ACVR1: variants seen among roughly 807,000 people sequenced by gnomAD.
The protein encoded by ACVR1 is activin receptor type-1.
A neutral mutation model predicts 57.1 loss-of-function variants in ACVR1; 38 were observed. That is an observed-to-expected ratio of 0.67 (90% CI 0.51 to 0.87). The LOEUF (loss-of-function observed/expected upper bound fraction) is 0.87. ACVR1 is among the 40% of genes least tolerant of loss of function. The probability of loss-of-function intolerance (pLI) is 0.00; values close to 1 mark genes in which losing one functional copy is unlikely to be tolerated. For synonymous variants in ACVR1, 212 were observed against 228.1 expected (o/e 0.93, Z 0.63); for missense variants, 463 against 638.2 (o/e 0.73, Z 2.96).
At chr2:157,791,910 T>C (rs760245405) in intron 3 of ACVR1, among the ~76,000 whole-genome samples, 4 of 152,222 alleles carry the variant, frequency 2.6e-5, no homozygotes, top group Non-Finnish European at 4.4e-5. Flanking sequence ...TACAGTATTA[T>C]ATATATCAGA....
In ACVR1 at chr2:157,761,073, C is replaced by T. The variant is rs748579833; in HGVS notation, c.1071G>A (p.Leu357=). 4 of 1,613,866 alleles carry T rather than the reference C, an allele frequency of 2.5e-6. No individual in the cohort carries two copies. Among genetic ancestry groups the T allele is most frequent in the Non-Finnish European group, 3.4e-6 (4 of 1,179,990 alleles). The change falls in exon 9 of 11, where the codon CTG becomes CTA. Residue 357 remains leucine, a synonymous_variant. Transcript: ENST00000434821. ...NGQCCIADLG[L]AVMHSQSTNQ... is the part of the protein sequence containing the mutation. Reference sequence around the variant, plus strand: ...TGGTGCTCTGGGAATGCATGACTGCCAGGCCTGAAAGGAAGAAGATAACAA... The same window carrying T: ...TGGTGCTCTGGGAATGCATGACTGCTAGGCCTGAAAGGAAGAAGATAACAA...
At chr2:157,872,085 T>G (rs945367060) in intron 1 of ACVR1, among the ~76,000 whole-genome samples, 8 of 152,176 alleles carry the variant, frequency 5.3e-5, no homozygotes, top group African/African-American at 1.9e-4. Flanking sequence ...AGAGCTGGAA[T>G]TGGCCACAGA....
Position 157,863,336 on chromosome 2 carries a change from C to CTTTTTTTTTTTTTTTT in ACVR1, c.-183+12444_-183+12459dup, listed in dbSNP as rs1161335923. On this transcript the variant is annotated intron_variant, in intron 1 of 10. Transcript: ENST00000434821. ...CCTATAGAACAGTTAAATTGTTTCT[C>CTTTTTTTTTTTTTTTT]TTTTTTTTTTTTTTTTTTTTTTTTT... Among the ~76,000 whole-genome samples, 5 of 35,674 alleles carry CTTTTTTTTTTTTTTTT rather than the reference C, an allele frequency of 1.4e-4. 1 individual carries two copies. Among genetic ancestry groups the CTTTTTTTTTTTTTTTT allele is most frequent in the Non-Finnish European group, 2.4e-4 (5 of 20,822 alleles). 23.4% of individuals were successfully genotyped at this position (35,674 alleles called of 152,430 possible). A position where few individuals can be genotyped will look rare whatever the true frequency, so the allele number is the denominator to read the frequency against.
intron 1 of ACVR1, among the ~76,000 whole-genome samples, chr2:157,845,668 C>T (rs192395278): frequency 6.6e-6 from 1 of 151,318 alleles, no homozygotes; most frequent in Non-Finnish European, 1.5e-5. Flanking sequence ...CTGAAAGGGC[C>T]CCACAGGCAG....
intron 9 of ACVR1, among the ~76,000 whole-genome samples, chr2:157,738,844 C>T (rs1443546060): frequency 1.3e-5 from 2 of 152,194 alleles, no homozygotes; most frequent in African/African-American, 4.8e-5. Context: ...TAGCAAAATT[C>T]TCCAACAGTG....
At position 157,796,836 on chromosome 2, in the gene ACVR1, C is replaced by T. The variant is rs116531660; in HGVS notation, c.67+2591G>A. Among the ~76,000 whole-genome samples the T allele has an allele frequency of 4.2e-3, 641 of 152,154 alleles. 6 individuals are homozygous for T. The highest frequency in any genetic ancestry group is 0.015 in the African/African-American group (607 of 41,498). On this transcript the variant is annotated intron_variant, in intron 3 of 10. Coordinates refer to ENST00000434821, the MANE Select transcript of ACVR1 (RefSeq NM_001111067.4). ...AAATCCTCCCAGCTTTAATATAAGC[C>T]CATTTCCTCGTATTAATTCCTTCAA...
At chr2:157,842,076 G>A (rs946069568) in intron 1 of ACVR1, among the ~76,000 whole-genome samples, 2 of 151,510 alleles carry the variant, frequency 1.3e-5, no homozygotes, top group Non-Finnish European at 2.9e-5. Context: ...CTGAACTCAG[G>A]GATCACTCTG....
At chr2:157,869,299 G>C (rs1011048009) in intron 1 of ACVR1, among the ~76,000 whole-genome samples, 16 of 152,150 alleles carry the variant, frequency 1.1e-4, no homozygotes, top group Non-Finnish European at 5.9e-5. Flanking sequence ...GGGCATAGGG[G>C]TAAGAACTTT....
chr2:157,854,162 AAAT>A (rs1689421663), intron 1 of ACVR1, among the ~76,000 whole-genome samples: 1 of 152,014 alleles, frequency 6.6e-6, no homozygotes, highest in Non-Finnish European at 1.5e-5. Flanking sequence ...AAATTTCAAC[AAAT>A]AAAAAAGCAT....
chr2:157,762,609 C>G lies in ACVR1; in HGVS notation c.1067-1532G>C, dbSNP rs76002999. Among the ~76,000 whole-genome samples the G allele has an allele frequency of 1.4e-4, 21 of 152,290 alleles. No individual in the cohort carries two copies. In the East Asian group the frequency reaches 4.1e-3, roughly 29 times the overall value. On this transcript the variant is annotated intron_variant, in intron 8 of 10. Coordinates refer to ENST00000434821, the MANE Select transcript of ACVR1 (RefSeq NM_001111067.4). ...AAGAACTTGTGGACATATTTTAAAG[C>G]CACCACTGCTAGGATCTCCAGGTGA...
chr2:157,790,388 A>G lies in ACVR1; in HGVS notation c.67+9039T>C, dbSNP rs368571049. 5.9e-5 allele frequency among the ~76,000 whole-genome samples: 9 copies of G among 152,316 alleles called. No homozygotes were observed. In the East Asian group the frequency reaches 1.2e-3, roughly 20 times the overall value. ...GCAATGAAAACAGTGTAACCTGGCC[A>G]GCCAACATGCCAGTGAGCAAGCTGT... On this transcript the variant is annotated intron_variant, in intron 3 of 10. Coordinates refer to ENST00000434821, the MANE Select transcript of ACVR1 (RefSeq NM_001111067.4).
intron 6 of ACVR1, 66 bp downstream of exon 6, chr2:157,774,022 T>A: frequency 7.1e-7 from 1 of 1,418,286 alleles, no homozygotes; most frequent in Admixed American, 1.7e-5. Flanking sequence ...CCAAGTTCCA[T>A]CTTTTACTTC....
intron 10 of ACVR1, 52 bp downstream of exon 10, chr2:157,738,388 A>T: frequency 6.2e-7 from 1 of 1,613,542 alleles, no homozygotes; most frequent in South Asian, 1.1e-5. Context: ...AAAGGGAAAC[A>T]AATAGCAAAC....
intron 1 of ACVR1, among the ~76,000 whole-genome samples, chr2:157,866,759 T>G (rs186281448): frequency 1.3e-5 from 2 of 152,376 alleles, no homozygotes; most frequent in East Asian, 3.9e-4. Flanking sequence ...AGTTGGAGAC[T>G]GTTATTTTAC....
chr2:157,773,572 T>C (rs1419804354), intron 6 of ACVR1, among the ~76,000 whole-genome samples: 23 of 152,238 alleles, frequency 1.5e-4, no homozygotes, highest in Non-Finnish European at 4.4e-5. Context: ...AATATGTTCA[T>C]GTATTGGGAA....
At chr2:157,806,611 C>A (rs1304638461) in intron 2 of ACVR1, 1 of 152,188 alleles carries the variant, frequency 6.6e-6, no homozygotes, top group Non-Finnish European at 1.5e-5. Context: ...CTCTTCTATG[C>A]TCAAAAGGCA....
chr2:157,845,228 T>C (rs1689094007), intron 1 of ACVR1, among the ~76,000 whole-genome samples: 2 of 152,236 alleles, frequency 1.3e-5, no homozygotes, highest in Non-Finnish European at 2.9e-5. Context: ...CCAATCAATT[T>C]GTCTGCGTTC....
At chr2:157,862,422 T>TACACACACACACACACAC (rs68077740) in intron 1 of ACVR1, among the ~76,000 whole-genome samples, 5 of 143,750 alleles carry the variant, frequency 3.5e-5, no homozygotes, top group South Asian at 2.3e-4. Flanking sequence ...CATATACACA[T>TACACACACACACACACAC]ACACACACAC....
At chr2:157,752,756 G>A (rs1440624163) in intron 9 of ACVR1, among the ~76,000 whole-genome samples, 2 of 152,122 alleles carry the variant, frequency 1.3e-5, no homozygotes, top group African/African-American at 2.4e-5. Flanking sequence ...AACAGAATTC[G>A]CCACTACCAA....
Sources: allele counts gnomAD v4.1 joint callset (sites outside exome capture counted in the v4.1 genomes callset), GRCh38; gene constraint gnomAD v4.1.1; transcripts MANE v1.5; gene names NCBI Gene and HGNC (gene_info 2026-07-23, HGNC 2026-07-21).